Variants in ZNF92 observed in about 807,000 individuals in gnomAD.
The protein encoded by ZNF92 is epididymis luminal protein 203.
Under a neutral mutation model 12.4 loss-of-function variants are expected in ZNF92, and 11 were observed. The observed-to-expected ratio is 0.89, with a 90% CI of 0.56 to 1.47. ZNF92 has a LOEUF of 1.47. Among genes scored for constraint, ZNF92 ranks in the 40% most tolerant of loss-of-function variants. The pLI is 0.00. For missense variants in ZNF92, 622 were observed against 681.0 expected (o/e 0.91, Z 0.96); for synonymous variants, 206 against 228.6 (o/e 0.90, Z 0.89).
At chr7:65,375,986 C>G in intron 1 of ZNF92, among the ~76,000 whole-genome samples, 1 of 151,800 alleles carries the variant, frequency 6.6e-6, no homozygotes, top group East Asian at 2.0e-4. Flanking sequence ...GGTCTCGGCT[C>G]ACTGCAACCT....
chr7:65,382,764 AC>A (rs1283548548), intron 1 of ZNF92, among the ~76,000 whole-genome samples: 4 of 152,192 alleles, frequency 2.6e-5, no homozygotes, highest in African/African-American at 9.6e-5. Context: ...GGTAACACTT[AC>A]TGCTATTCTA....
chr7:65,388,730 C>G, intron 2 of ZNF92, 76 bp from the exon 3 acceptor site: 1 of 1,226,130 alleles, frequency 8.2e-7, no homozygotes, highest in South Asian at 1.3e-5. Flanking sequence ...ATTGCATCCT[C>G]TTTACTGAGC....
At chr7:65,387,736 A>T (rs1380569972) in intron 1 of ZNF92, among the ~76,000 whole-genome samples, 166 bp from the exon 2 acceptor site, 2 of 151,910 alleles carry the variant, frequency 1.3e-5, no homozygotes, top group African/African-American at 4.8e-5. Flanking sequence ...ATACATTAGA[A>T]AATATTTCTG....
At chr7:65,394,405 CTT>C (rs1793797765) in intron 3 of ZNF92, among the ~76,000 whole-genome samples, 1 of 151,938 alleles carries the variant, frequency 6.6e-6, no homozygotes, top group South Asian at 2.1e-4. Context: ...TCTTTCATCT[CTT>C]TATCTGTCTT....
At chr7:65,390,613 C>G (rs769364594) in intron 3 of ZNF92, among the ~76,000 whole-genome samples, 3 of 152,086 alleles carry the variant, frequency 2.0e-5, no homozygotes, top group Non-Finnish European at 2.9e-5. Context: ...CAGGACTTTG[C>G]TCTGTCGGGC....
chr7:65,392,132 C>A lies in ZNF92; in HGVS notation c.226+3231C>A, dbSNP rs1467998914. On this transcript the variant is annotated intron_variant, in intron 3 of 3. Coordinates refer to ENST00000328747, the MANE Select transcript of ZNF92 (RefSeq NM_152626.4). ...AAGTCAGCCATATGTCCATCATAGT[C>A]TGATTATATATGTGTGTGTTTTTAT... 2.6e-5 allele frequency among the ~76,000 whole-genome samples: 4 copies of A among 151,930 alleles called. No homozygotes were observed. In the South Asian group the frequency reaches 8.3e-4, roughly 31 times the overall value.
At chr7:65,391,513 G>A (rs1056369107) in intron 3 of ZNF92, among the ~76,000 whole-genome samples, 5 of 151,672 alleles carry the variant, frequency 3.3e-5, no homozygotes, top group African/African-American at 4.8e-5. Context: ...TTAAGTTTGC[G>A]GCAGGCAAAA....
intron 3 of ZNF92, among the ~76,000 whole-genome samples, chr7:65,392,352 T>C (rs1229765616): frequency 6.6e-6 from 1 of 151,822 alleles, no homozygotes; most frequent in Non-Finnish European, 1.5e-5. Flanking sequence ...TTTGGAAATA[T>C]TTGTAATTCT....
chr7:65,390,508 C>CT (rs1793684184), intron 3 of ZNF92, among the ~76,000 whole-genome samples: 1 of 152,142 alleles, frequency 6.6e-6, no homozygotes, highest in Non-Finnish European at 1.5e-5. Context: ...CACAAGGCTG[C>CT]TGGGTCTACA....
intron 1 of ZNF92, among the ~76,000 whole-genome samples, chr7:65,381,724 A>G (rs1793425069): frequency 6.6e-6 from 1 of 152,144 alleles, no homozygotes; most frequent in Non-Finnish European, 1.5e-5. Context: ...TAGTGTAAGC[A>G]GGGAGTCCAG....
In ZNF92 at chr7:65,393,387, T is replaced by G. The variant is rs1427598384; in HGVS notation, c.226+4486T>G. 1.3e-5 allele frequency among the ~76,000 whole-genome samples: 2 copies of G among 152,152 alleles called. 1 individual carries two copies. Among genetic ancestry groups the G allele is most frequent in the African/African-American group, 4.8e-5 (2 of 41,438 alleles). ...TTCCACTGTATTTGTATGTTATATT[T>G]TTTGATGTGTTTATAAATCAAGAAG... is the stretch of plus-strand genomic sequence containing the variant. On this transcript the variant is annotated intron_variant, in intron 3 of 3. Transcript: ENST00000328747.
chr7:65,390,843 G>A (rs770925997), intron 3 of ZNF92, among the ~76,000 whole-genome samples: 3 of 151,986 alleles, frequency 2.0e-5, no homozygotes, highest in Non-Finnish European at 4.4e-5. Context: ...TCTGCAAGCC[G>A]GCCTGCCTGC....
At chr7:65,394,643 A>C (rs1793802607) in intron 3 of ZNF92, among the ~76,000 whole-genome samples, 1 of 152,080 alleles carries the variant, frequency 6.6e-6, no homozygotes, top group African/African-American at 2.4e-5. Flanking sequence ...TCTTAACAAA[A>C]TGAAGTTTTT....
At chr7:65,378,842 A>T (rs759455678) in intron 1 of ZNF92, among the ~76,000 whole-genome samples, 1 of 152,118 alleles carries the variant, frequency 6.6e-6, no homozygotes, top group Non-Finnish European at 1.5e-5. Flanking sequence ...TGACTATGTG[A>T]TAGGTAAGAA....
At chr7:65,394,106 T>G (rs796226920) in intron 3 of ZNF92, among the ~76,000 whole-genome samples, 8 of 152,254 alleles carry the variant, frequency 5.3e-5, no homozygotes, top group East Asian at 1.9e-4. Context: ...TTTCTGTTCT[T>G]TTCTTTGTTG....
intron 1 of ZNF92, among the ~76,000 whole-genome samples, chr7:65,379,598 C>T (rs1793346711): frequency 6.6e-6 from 1 of 152,116 alleles, no homozygotes; most frequent in African/African-American, 2.4e-5. Flanking sequence ...CCTCCCAGGA[C>T]TAGGCACCAC....
chr7:65,378,538 C>G (rs1011029430), intron 1 of ZNF92, among the ~76,000 whole-genome samples: 2 of 151,608 alleles, frequency 1.3e-5, no homozygotes, highest in Admixed American at 6.6e-5. Flanking sequence ...GTCAGAAGAC[C>G]GAGACCATCC....
intron 3 of ZNF92, among the ~76,000 whole-genome samples, chr7:65,394,800 C>T (rs539988605): frequency 5.0e-4 from 76 of 152,052 alleles, no homozygotes; most frequent in South Asian, 3.5e-3. Flanking sequence ...CCTGACTCCA[C>T]GCCCAGCTAA....
At chr7:65,393,358 A>C (rs1793769049) in intron 3 of ZNF92, among the ~76,000 whole-genome samples, 1 of 152,126 alleles carries the variant, frequency 6.6e-6, no homozygotes, top group South Asian at 2.1e-4. Context: ...AAGGCTGAAA[A>C]ATATTCCACT....
Sources: gnomAD v4.1 joint callset for allele counts (sites outside exome capture counted in the v4.1 genomes callset) on GRCh38, gnomAD v4.1.1 for gene constraint, MANE v1.5 for transcripts, NCBI Gene and HGNC (gene_info 2026-07-23, HGNC 2026-07-21) for gene names.